STAC: variants seen among roughly 807,000 people sequenced by gnomAD.
STAC encodes the protein SH3 and cysteine-rich domain-containing protein.
Under a neutral mutation model 48.8 loss-of-function variants are expected in STAC, and 43 were observed. The ratio of observed to expected loss-of-function variants is 0.88; its 90% CI spans 0.69 to 1.14. STAC has a LOEUF of 1.14. STAC is among the 50% of genes most tolerant of loss of function. STAC has a pLI of 0.00. For synonymous variants in STAC, 193 were observed against 179.5 expected, an observed-to-expected ratio of 1.07 and a Z score of -0.60; for missense variants, 497 against 504.0, an observed-to-expected ratio of 0.99 and a Z score of 0.13.
At chr3:36,438,358 C>CACT (rs1349856199) in intron 1 of STAC, among the ~76,000 whole-genome samples, 1 of 152,022 alleles carries the variant, frequency 6.6e-6, no homozygotes, top group African/African-American at 2.4e-5. Flanking sequence ...TTTCTTTTAC[C>CACT]ATTATTATTA....
chr3:36,446,275 T>G (rs998959322), intron 2 of STAC, among the ~76,000 whole-genome samples: 2 of 152,240 alleles, frequency 1.3e-5, no homozygotes, highest in Non-Finnish European at 1.5e-5. Context: ...AAGCCAAAGA[T>G]GCTCAACCCA....
intron 8 of STAC, among the ~76,000 whole-genome samples, chr3:36,525,265 C>T (rs1244616007): frequency 6.6e-6 from 1 of 152,084 alleles, no homozygotes; most frequent in African/African-American, 2.4e-5. Context: ...AATCACTCAC[C>T]AAGCAATTTT....
At chr3:36,440,322 C>G (rs992433811) in intron 1 of STAC, among the ~76,000 whole-genome samples, 13 of 152,280 alleles carry the variant, frequency 8.5e-5, no homozygotes, top group Admixed American at 5.2e-4. Flanking sequence ...ACTTAGAACA[C>G]CAGTCATCTT....
intron 8 of STAC, among the ~76,000 whole-genome samples, chr3:36,507,111 TGA>T (rs1212692708): frequency 5.9e-5 from 9 of 152,156 alleles, no homozygotes; most frequent in Non-Finnish European, 5.9e-5. Context: ...ACTTAGTTTA[TGA>T]GAGTTTTTAG....
rs372772449 is a variant in STAC, at chr3:36,388,664, T to A, written c.111+7910T>A. On this transcript the variant is annotated intron_variant, in intron 1 of 10. Coordinates refer to ENST00000273183, the MANE Select transcript of STAC (RefSeq NM_003149.3). ...CTGGAATTTATATCATTATGTAGTA[T>A]GAAGAAATCTATTTTTTCCCAAATG... 3.5e-4 allele frequency among the ~76,000 whole-genome samples: 53 copies of A among 152,130 alleles called. 2 individuals carry two copies. In the South Asian group the frequency reaches 0.011, roughly 30 times the overall value.
intron 8 of STAC, among the ~76,000 whole-genome samples, chr3:36,507,692 A>G (rs1698437591): frequency 6.6e-6 from 1 of 152,094 alleles, no homozygotes. Context: ...TAAGTTTTCT[A>G]GTTTATTGGC....
chr3:36,446,913 A>G (rs1696522801), intron 2 of STAC, among the ~76,000 whole-genome samples: 1 of 152,212 alleles, frequency 6.6e-6, no homozygotes, highest in Admixed American at 6.5e-5. Flanking sequence ...AGAATCATTC[A>G]CTTCCATAAC....
intron 1 of STAC, among the ~76,000 whole-genome samples, chr3:36,393,767 C>T (rs769977244): frequency 1.3e-5 from 2 of 150,612 alleles, no homozygotes; most frequent in East Asian, 3.9e-4. Context: ...CATACTGGCA[C>T]CCTGATCTCA....
At chr3:36,430,078 G>A (rs1024589340) in intron 1 of STAC, among the ~76,000 whole-genome samples, 4 of 152,162 alleles carry the variant, frequency 2.6e-5, no homozygotes, top group African/African-American at 9.6e-5. Context: ...AGATTGAAGG[G>A]ATGATTCATC....
chr3:36,409,164 GT>G (rs975912097), intron 1 of STAC, among the ~76,000 whole-genome samples: 4 of 152,098 alleles, frequency 2.6e-5, no homozygotes, highest in Admixed American at 2.6e-4. Context: ...ATAAACGTGG[GT>G]TTGACATATT....
chr3:36,484,396 C>G (rs1198646684), intron 3 of STAC, among the ~76,000 whole-genome samples: 3 of 152,186 alleles, frequency 2.0e-5, no homozygotes, highest in African/African-American at 7.2e-5. Context: ...TCTCTTTTCT[C>G]AAACCTCTGC....
intron 10 of STAC, among the ~76,000 whole-genome samples, chr3:36,538,720 T>G (rs1399454611): frequency 6.6e-6 from 1 of 152,242 alleles, no homozygotes; most frequent in East Asian, 1.9e-4. Flanking sequence ...TAATATTTCA[T>G]GCTAATCTGC....
chr3:36,412,178 G>T (rs988878190), intron 1 of STAC, among the ~76,000 whole-genome samples: 7 of 152,184 alleles, frequency 4.6e-5, no homozygotes, highest in Admixed American at 2.0e-4. Context: ...CAGCCACCTT[G>T]TCTGGTTGGT....
At chr3:36,516,186 G>A (rs556918815) in intron 8 of STAC, among the ~76,000 whole-genome samples, 1 of 151,898 alleles carries the variant, frequency 6.6e-6, no homozygotes, top group East Asian at 1.9e-4. Context: ...GTTTCATCAT[G>A]TTGGCCAGGC....
At chr3:36,432,920 T>C (rs906820145) in intron 1 of STAC, among the ~76,000 whole-genome samples, 1 of 152,156 alleles carries the variant, frequency 6.6e-6, no homozygotes, top group African/African-American at 2.4e-5. Flanking sequence ...TGTAAAGTCC[T>C]TAGGATAGAG....
intron 1 of STAC, among the ~76,000 whole-genome samples, chr3:36,408,854 G>T: frequency 6.6e-6 from 1 of 152,156 alleles, no homozygotes; most frequent in East Asian, 1.9e-4. Flanking sequence ...ATATTGTTTA[G>T]ACCAGGTTGA....
intron 2 of STAC, among the ~76,000 whole-genome samples, chr3:36,453,457 CG>C (rs1559497623): frequency 3.9e-5 from 6 of 152,300 alleles, no homozygotes; most frequent in African/African-American, 1.2e-4. Flanking sequence ...CCGGCCCCAC[CG>C]GCCCCGGGCA....
In STAC at chr3:36,443,505, C is replaced by G. The variant is rs1440529295; in HGVS notation, c.253C>G (p.Pro85Ala). 1.2e-6 allele frequency: 2 copies of G among 1,614,098 alleles called. No homozygotes were observed. Among genetic ancestry groups the G allele is most frequent in the Non-Finnish European group, 1.7e-6 (2 of 1,180,054 alleles). The change falls in exon 2 of 11, where the codon CCA becomes GCA. Residue 85 changes from proline to alanine, a missense_variant. By Grantham distance (27) the Pro-to-Ala change is conservative (BLOSUM62 -1). Coordinates refer to ENST00000273183, the MANE Select transcript of STAC (RefSeq NM_003149.3). The surrounding 1 kb of genome is among the most constrained non-coding windows in gnomAD (Gnocchi z 4.2). ...MVAEISPSSS[P>A]LPAPGSLTST... Reference sequence around the variant, plus strand: ...GGCTGAGATCAGCCCCAGCTCCAGCCCACTCCCTGCTCCAGGAAGCCTGAC... The same window carrying G: ...GGCTGAGATCAGCCCCAGCTCCAGCGCACTCCCTGCTCCAGGAAGCCTGAC...
At chr3:36,515,425 T>G (rs952453013) in intron 8 of STAC, among the ~76,000 whole-genome samples, 33 of 152,084 alleles carry the variant, frequency 2.2e-4, no homozygotes, top group Admixed American at 4.6e-4. Context: ...GGATAAGTGG[T>G]CTGTGCTTTT....
Sources: gnomAD v4.1 joint callset for allele counts (sites outside exome capture counted in the v4.1 genomes callset) on GRCh38, gnomAD v4.1.1 for gene constraint, Gnocchi (gnomAD v3.1) non-coding constraint, MANE v1.5 for transcripts, NCBI Gene and HGNC (gene_info 2026-07-23, HGNC 2026-07-21) for gene names.